Variants in CCSER1 observed in about 807,000 individuals in gnomAD.
CCSER1 encodes the protein serine-rich coiled-coil domain-containing protein 1.
In CCSER1, 41 loss-of-function variants were observed where a neutral mutation model predicts 82.0. The observed-to-expected ratio is 0.50, with a 90% CI of 0.39 to 0.65. The LOEUF (loss-of-function observed/expected upper bound fraction) is 0.65, where lower values mean the gene tolerates loss of function less well. Among genes scored for constraint, CCSER1 ranks in the 30% least tolerant of loss-of-function variants. The pLI, the probability that CCSER1 is intolerant of heterozygous loss-of-function variation, is 0.00. For synonymous variants in CCSER1, 414 were observed against 383.9 expected, an observed-to-expected ratio of 1.08 and a Z score of -0.92; for missense variants, 1,119 against 1,064.2, an observed-to-expected ratio of 1.05 and a Z score of -0.72.
chr4:90,962,858 T>A (rs1165322771), intron 9 of CCSER1, among the ~76,000 whole-genome samples: 4 of 152,120 alleles, frequency 2.6e-5, no homozygotes, highest in Non-Finnish European at 4.4e-5. Flanking sequence ...TTATTCACTT[T>A]TGGATAATGA....
At chr4:91,109,630 A>G (rs536020010) in intron 10 of CCSER1, among the ~76,000 whole-genome samples, 85 of 152,342 alleles carry the variant, frequency 5.6e-4, no homozygotes, top group African/African-American at 1.7e-3. Flanking sequence ...TCATGTTGAA[A>G]ATAATAGTTC....
At chr4:91,009,566 C>T (rs561527355) in intron 9 of CCSER1, among the ~76,000 whole-genome samples, 1 of 152,242 alleles carries the variant, frequency 6.6e-6, no homozygotes, top group East Asian at 1.9e-4. Flanking sequence ...TGGTTTGTTG[C>T]TCTTTCCCCC....
intron 8 of CCSER1, among the ~76,000 whole-genome samples, chr4:90,832,689 C>T (rs1251388148): frequency 6.6e-6 from 1 of 152,082 alleles, no homozygotes; most frequent in Non-Finnish European, 1.5e-5. Flanking sequence ...AAATGTTTGA[C>T]AATTAAAAAT....
chr4:90,926,866 A>G (rs1729129441), intron 9 of CCSER1, among the ~76,000 whole-genome samples: 1 of 152,098 alleles, frequency 6.6e-6, no homozygotes. Flanking sequence ...AAAACAGGAT[A>G]GAAGATGAAT....
At chr4:91,248,815 TATAAG>T (rs948934126) in intron 10 of CCSER1, among the ~76,000 whole-genome samples, 2 of 152,128 alleles carry the variant, frequency 1.3e-5, no homozygotes, top group East Asian at 1.9e-4. Flanking sequence ...ACTATACAAA[TATAAG>T]ATATTATTGT....
intron 5 of CCSER1, among the ~76,000 whole-genome samples, chr4:90,611,066 T>C (rs951036382): frequency 2.3e-5 from 3 of 132,860 alleles, no homozygotes; most frequent in African/African-American, 9.2e-5. Context: ...TTTCTTTTTT[T>C]TTTTTTTTTT....
At chr4:91,531,108 G>T (rs1239318952) in intron 10 of CCSER1, among the ~76,000 whole-genome samples, 1 of 152,138 alleles carries the variant, frequency 6.6e-6, no homozygotes, top group Non-Finnish European at 1.5e-5. Context: ...TCTATTTAAT[G>T]TATATAGGTA....
intron 5 of CCSER1, among the ~76,000 whole-genome samples, chr4:90,581,190 C>A: frequency 6.6e-6 from 1 of 151,792 alleles, no homozygotes. Flanking sequence ...ATTGTAATAT[C>A]TCAAAATTAC....
intron 10 of CCSER1, among the ~76,000 whole-genome samples, chr4:91,089,561 T>G (rs567353661): frequency 3.9e-5 from 6 of 152,354 alleles, no homozygotes; most frequent in African/African-American, 1.2e-4. Context: ...ACTTATGTCT[T>G]CCCGTGCAAT....
At chr4:90,655,085 C>A (rs1238790113) in intron 6 of CCSER1, among the ~76,000 whole-genome samples, 1 of 151,874 alleles carries the variant, frequency 6.6e-6, no homozygotes, top group African/African-American at 2.4e-5. Context: ...GCATTAATAT[C>A]ACTATATTAA....
chr4:91,570,128 C>A (rs1241468777), intron 10 of CCSER1, among the ~76,000 whole-genome samples: 4 of 152,208 alleles, frequency 2.6e-5, no homozygotes, highest in Non-Finnish European at 5.9e-5. Flanking sequence ...CCAAGTCTCA[C>A]TTCCAGGTCA....
chr4:91,592,975 CA>C (rs1167362683), intron 10 of CCSER1, among the ~76,000 whole-genome samples: 13 of 152,016 alleles, frequency 8.6e-5, no homozygotes, highest in African/African-American at 2.9e-4. Flanking sequence ...ATAATTTTTA[CA>C]AAACAAGGAA....
At chr4:90,989,269 A>G (rs926961311) in intron 9 of CCSER1, among the ~76,000 whole-genome samples, 2 of 151,780 alleles carry the variant, frequency 1.3e-5, no homozygotes, top group African/African-American at 4.8e-5. Flanking sequence ...TTACAGCAAA[A>G]ATAAACCTAA....
chr4:91,028,402 AGG>A (rs952610863), intron 9 of CCSER1, among the ~76,000 whole-genome samples: 16 of 151,908 alleles, frequency 1.1e-4, no homozygotes, highest in Admixed American at 9.9e-4. Flanking sequence ...ATCAAGTTTA[AGG>A]GGGGAATATT....
intron 1 of CCSER1, among the ~76,000 whole-genome samples, chr4:90,175,987 A>G (rs1732592013): frequency 6.6e-6 from 1 of 152,030 alleles, no homozygotes; most frequent in Non-Finnish European, 1.5e-5. Context: ...TATGGTATCA[A>G]TAGAGTCATC....
chr4:90,717,935 AG>A (rs1741950766), intron 6 of CCSER1, among the ~76,000 whole-genome samples: 1 of 151,982 alleles, frequency 6.6e-6, no homozygotes, highest in South Asian at 2.1e-4. Context: ...TTAAAGTCTA[AG>A]AGCAGGGAAG....
rs977322790 is a variant in CCSER1, at chr4:90,155,304, C to T, written c.-42+27473C>T. Among the ~76,000 whole-genome samples the T allele has an allele frequency of 7.2e-5, 11 of 152,142 alleles. 1 individual carries two copies. Among genetic ancestry groups the T allele is most frequent in the African/African-American group, 2.4e-4 (10 of 41,510 alleles). On this transcript the variant is annotated intron_variant, in intron 1 of 10. Transcript: ENST00000509176. ...GCCAGTATTTTATTGAGGATTTTTGCATCAATGTTCATCAAGGATATTGGT... is the reference window on the plus strand; with the variant it reads ...GCCAGTATTTTATTGAGGATTTTTGTATCAATGTTCATCAAGGATATTGGT...
chr4:90,993,298 G>T, intron 9 of CCSER1, among the ~76,000 whole-genome samples: 1 of 151,802 alleles, frequency 6.6e-6, no homozygotes. Flanking sequence ...CAGTGTGCAT[G>T]GGACACAAAC....
intron 8 of CCSER1, among the ~76,000 whole-genome samples, chr4:90,845,215 A>C (rs1763064456): frequency 6.6e-6 from 1 of 152,072 alleles, no homozygotes; most frequent in Admixed American, 6.5e-5. Context: ...ACAAAAAATT[A>C]GCCTGGCGTG....
Sources: gnomAD v4.1 joint callset for allele counts (sites outside exome capture counted in the v4.1 genomes callset) on GRCh38, gnomAD v4.1.1 for gene constraint, MANE v1.5 for transcripts, NCBI Gene and HGNC (gene_info 2026-07-23, HGNC 2026-07-21) for gene names.